WWOX: variants seen among roughly 807,000 people sequenced by gnomAD.
WWOX encodes the protein WW domain containing oxidoreductase, also known as WW domain-containing oxidoreductase.
WWOX carries 69 observed loss-of-function variants against 46.2 expected under a neutral mutation model. The ratio of observed to expected loss-of-function variants is 1.49; its 90% CI spans 1.23 to 1.82. The LOEUF (loss-of-function observed/expected upper bound fraction) is 1.82, where lower values mean the gene tolerates loss of function less well. Ranked by LOEUF, WWOX falls within the 40% of genes most tolerant of loss-of-function variation. The pLI, the probability that WWOX is intolerant of heterozygous loss-of-function variation, is 0.00. For missense variants in WWOX, 919 were observed against 542.6 expected (o/e 1.69, Z -6.89); for synonymous variants, 359 against 202.6 (o/e 1.77, Z -6.56).
chr16:78,739,510 T>C (rs2049165690), intron 8 of WWOX, among the ~76,000 whole-genome samples: 1 of 152,130 alleles, frequency 6.6e-6, no homozygotes, highest in South Asian at 2.1e-4. Context: ...AGGGCTGGGC[T>C]GAGTGTAAAG....
chr16:78,734,763 G>A lies in WWOX; in HGVS notation c.1056+302011G>A, dbSNP rs1193047224. On this transcript the variant is annotated intron_variant, in intron 8 of 8. Transcript: ENST00000566780. ...CTGAGCTTCGTCTCATCAGCTGAAGGTCTGAATAGAGCAAATAGACTGACC... is the reference window on the plus strand; with the variant it reads ...CTGAGCTTCGTCTCATCAGCTGAAGATCTGAATAGAGCAAATAGACTGACC... Among the ~76,000 whole-genome samples the A allele has an allele frequency of 2.0e-4, 29 of 147,926 alleles. 1 individual carries two copies. The Admixed American group carries it at 2.0e-3, about 10-fold the overall frequency.
chr16:79,147,370 G>A (rs544310173), intron 8 of WWOX, among the ~76,000 whole-genome samples: 1 of 152,302 alleles, frequency 6.6e-6, no homozygotes, highest in African/African-American at 2.4e-5. Context: ...TTTGGGGACT[G>A]ACTTTTTTCA....
At chr16:78,900,847 GA>G (rs71979088) in intron 8 of WWOX, among the ~76,000 whole-genome samples, 109,236 of 140,596 alleles carry the variant, frequency 0.78, 41,970 homozygotes, top group East Asian at 0.92. Flanking sequence ...GCCTTTTTTT[GA>G]AAAAAAAAAA....
At chr16:78,771,843 A>G (rs2050072366) in intron 8 of WWOX, among the ~76,000 whole-genome samples, 1 of 152,142 alleles carries the variant, frequency 6.6e-6, no homozygotes, top group Admixed American at 6.6e-5. Flanking sequence ...GGTGAGCTTT[A>G]ACGAGTTCAG....
chr16:79,004,551 C>G (rs1365154563), intron 8 of WWOX: 2 of 152,272 alleles, frequency 1.3e-5, no homozygotes, highest in Non-Finnish European at 2.9e-5. Context: ...ACTGTGAGCT[C>G]AGGTCAGCAT....
At chr16:78,309,625 C>T (rs982130277) in intron 5 of WWOX, among the ~76,000 whole-genome samples, 4 of 152,162 alleles carry the variant, frequency 2.6e-5, no homozygotes, top group Non-Finnish European at 5.9e-5. Flanking sequence ...TTCCCAGGAC[C>T]CCTTGAGACT....
At chr16:78,912,031 C>G (rs1363657418) in intron 8 of WWOX, among the ~76,000 whole-genome samples, 2 of 152,018 alleles carry the variant, frequency 1.3e-5, no homozygotes, top group Non-Finnish European at 2.9e-5. Flanking sequence ...TATTGGCCTC[C>G]AGGGCAAAGC....
intron 8 of WWOX, among the ~76,000 whole-genome samples, chr16:79,185,760 A>G (rs1221166920): frequency 6.6e-6 from 1 of 152,154 alleles, no homozygotes; most frequent in Non-Finnish European, 1.5e-5. Context: ...GAAAGAAATG[A>G]GAGTGAGGAT....
intron 8 of WWOX, among the ~76,000 whole-genome samples, chr16:79,064,429 G>A (rs199683080): frequency 2.0e-5 from 3 of 152,156 alleles, no homozygotes; most frequent in South Asian, 2.1e-4. Flanking sequence ...GAGATAATGC[G>A]TGAAAAGTGC....
chr16:79,081,748 G>A (rs1038423709), intron 8 of WWOX, among the ~76,000 whole-genome samples: 7 of 152,086 alleles, frequency 4.6e-5, no homozygotes, highest in Non-Finnish European at 1.0e-4. Context: ...ACCATGGCTT[G>A]CGGGGGCTCC....
At chr16:79,063,352 C>T (rs1379461282) in intron 8 of WWOX, among the ~76,000 whole-genome samples, 4 of 152,172 alleles carry the variant, frequency 2.6e-5, no homozygotes, top group South Asian at 2.1e-4. Flanking sequence ...TCCTGGCGTG[C>T]GTATCTTGGC....
intron 4 of WWOX, among the ~76,000 whole-genome samples, chr16:78,161,266 G>A (rs1040322897): frequency 1.2e-4 from 18 of 151,514 alleles, no homozygotes; most frequent in African/African-American, 3.2e-4. Flanking sequence ...GCCATCTTTA[G>A]GCCATTTATA....
intron 8 of WWOX, among the ~76,000 whole-genome samples, chr16:78,965,494 C>T (rs532347777): frequency 2.0e-4 from 30 of 151,684 alleles, no homozygotes; most frequent in South Asian, 8.4e-4. Context: ...CACTTGAACC[C>T]GGAAAGTAGC....
intron 8 of WWOX, among the ~76,000 whole-genome samples, chr16:79,151,978 G>T (rs144022553): frequency 1.3e-5 from 2 of 152,206 alleles, no homozygotes; most frequent in Non-Finnish European, 2.9e-5. Flanking sequence ...CAACAGAAAG[G>T]TCTCTGTTAC....
chr16:78,696,961 A>C (rs190595846), intron 8 of WWOX, among the ~76,000 whole-genome samples: 1 of 152,166 alleles, frequency 6.6e-6, no homozygotes, highest in East Asian at 1.9e-4. Flanking sequence ...AATGGTCTCC[A>C]GTCCCATCCA....
intron 5 of WWOX, among the ~76,000 whole-genome samples, chr16:78,360,223 C>G (rs564256233): frequency 6.6e-6 from 1 of 152,176 alleles, no homozygotes; most frequent in Non-Finnish European, 1.5e-5. Context: ...TCCACCTGCT[C>G]TAAGGGACAG....
At chr16:79,108,041 G>A (rs553825985) in intron 8 of WWOX, among the ~76,000 whole-genome samples, 1 of 152,294 alleles carries the variant, frequency 6.6e-6, no homozygotes, top group Non-Finnish European at 1.5e-5. Flanking sequence ...AGAACTGCAT[G>A]CTGACATTTA....
intron 5 of WWOX, among the ~76,000 whole-genome samples, chr16:78,282,328 C>G (rs1046001800): frequency 6.6e-6 from 1 of 152,178 alleles, no homozygotes; most frequent in Non-Finnish European, 1.5e-5. Context: ...TTGCATGTTT[C>G]TAGAGACATC....
intron 8 of WWOX, among the ~76,000 whole-genome samples, chr16:79,148,644 T>C (rs1421906252): frequency 2.0e-5 from 3 of 152,210 alleles, no homozygotes; most frequent in Non-Finnish European, 4.4e-5. Flanking sequence ...AGGTCTAACA[T>C]TAAACCTATA....
Sources: gnomAD v4.1 joint callset for allele counts (sites outside exome capture counted in the v4.1 genomes callset) on GRCh38, gnomAD v4.1.1 for gene constraint, MANE v1.5 for transcripts, NCBI Gene and HGNC (gene_info 2026-07-23, HGNC 2026-07-21) for gene names.